Variants in EPOR observed in about 807,000 individuals in gnomAD.
EPOR encodes erythropoietin receptor.
EPOR carries 20 observed loss-of-function variants against 34.3 expected under a neutral mutation model. The ratio of observed to expected loss-of-function variants is 0.58; its 90% CI spans 0.41 to 0.85. The LOEUF (loss-of-function observed/expected upper bound fraction) is 0.85, where lower values mean the gene tolerates loss of function less well. EPOR is among the 40% of genes least tolerant of loss of function. The probability of loss-of-function intolerance (pLI) is 0.00; values close to 1 mark genes in which losing one functional copy is unlikely to be tolerated. For missense variants in EPOR, 601 were observed against 672.7 expected (o/e 0.89, Z 1.18); for synonymous variants, 312 against 299.0 (o/e 1.04, Z -0.45).
chr19:11,378,505 C>T lies in EPOR; in HGVS notation c.1006G>A (p.Glu336Lys), dbSNP rs758272993. The T allele has an allele frequency of 1.2e-5, 20 of 1,614,118 alleles. No individual in the cohort carries two copies. The highest frequency in any genetic ancestry group is 1.7e-5 in the Non-Finnish European group (20 of 1,180,048). Reference sequence around the variant, plus strand: ...GCCTGCATCGTCCCCCAGCAGCGCTCTGAGAGGACTTCCAGGGAAGCAGGT... The same window carrying T: ...GCCTGCATCGTCCCCCAGCAGCGCTTTGAGAGGACTTCCAGGGAAGCAGGT... ...DPPASLEVLS[E>K]RCWGTMQAVE... Residue 336 changes from glutamate (E) to lysine (K), a missense_variant, in exon 8 of 8, where the codon GAG (glutamate) becomes AAG (lysine). Physicochemically the swap from Glu to Lys is moderately conservative, Grantham distance 56. Coordinates refer to ENST00000222139, the MANE Select transcript of EPOR (RefSeq NM_000121.4). This position sits in a 1 kb window ranked among gnomAD's most constrained non-coding sequence, Gnocchi z 5.3.
In EPOR at chr19:11,383,099, G is replaced by T. The variant is rs151226066; in HGVS notation, c.249C>A (p.Leu83=). 6.0e-5 allele frequency: 96 copies of T among 1,613,252 alleles called. No homozygotes were observed. The African/African-American group carries it at 1.2e-3, about 21-fold the overall frequency. The change falls in exon 2 of 8, where the codon CTC becomes CTA. Residue 83 remains leucine (L), a splice_region_variant and synonymous_variant. Transcript: ENST00000222139. This position sits in a 1 kb window ranked among gnomAD's most constrained non-coding sequence, Gnocchi z 4.9. ...GPGNYSFSYQ[L]EDEPWKLCRL... is the part of the protein sequence containing the mutation. ...GGCACCCGCCGGATCGGACTCACTC[G>T]AGCTGGTAGGAGAAGCTGTAGTTGC...
In EPOR at chr19:11,378,235, A is replaced by G; in HGVS notation, c.1276T>C (p.Tyr426His). The G allele has an allele frequency of 6.2e-7, 1 of 1,614,114 alleles. No homozygotes were observed. Residue 426 changes from tyrosine to histidine, a missense_variant, in exon 8 of 8, where the codon TAC (tyrosine) becomes CAC (histidine). Transcript: ENST00000222139. The surrounding 1 kb of genome is among the most constrained non-coding windows in gnomAD (Gnocchi z 5.3). Reference sequence around the variant, plus strand: ...TGGGAGCTGGGGTCCAGGATAGTGTACTCAAAGCTGGCAGCAGAGGCTCCC... The same window carrying G: ...TGGGAGCTGGGGTCCAGGATAGTGTGCTCAAAGCTGGCAGCAGAGGCTCCC... ...PEGASAASFE[Y>H]TILDPSSQLL... is the part of the protein sequence containing the mutation.
intron 6 of EPOR, among the ~76,000 whole-genome samples, chr19:11,379,066 C>T (rs1045567606): frequency 6.6e-6 from 1 of 152,100 alleles, no homozygotes; most frequent in African/African-American, 2.4e-5. Flanking sequence ...TACACCAGCA[C>T]TATAATCCCA....
chr19:11,384,191 G>T lies in EPOR; in HGVS notation c.17C>A (p.Ala6Glu). ...GGAGCCGACCTGGGGCCAGAGGGAC[G>T]CCCCGAGGTGGTCCATGATACAGCC... MDHLG[A>E]SLWPQVGSLC... The change falls in exon 1 of 8, where the codon GCG (alanine) becomes GAG (glutamate). Residue 6 changes from alanine (A) to glutamate (E), a missense_variant. Transcript: ENST00000222139. 6.5e-7 allele frequency: 1 copy of T among 1,545,926 alleles called. No homozygotes were observed. The highest frequency in any genetic ancestry group is 8.7e-7 in the Non-Finnish European group (1 of 1,145,918).
chr19:11,380,836 C>T, intron 6 of EPOR, 48 bp downstream of exon 6: 6 of 1,427,506 alleles, frequency 4.2e-6, no homozygotes, highest in Non-Finnish European at 5.8e-6. Flanking sequence ...TGAAAGAGGA[C>T]CGTTGGCGGG....
rs1041119361 is a variant in EPOR at position 11,381,360 on chromosome 19, A to G, written c.586-151T>C. 44 of 859,170 alleles carry G rather than the reference A, an allele frequency of 5.1e-5. No homozygotes were observed. Among genetic ancestry groups the G allele is most frequent in the African/African-American group, 1.5e-4 (9 of 59,954 alleles). The allele number at this position is 859,170 out of a possible 1,614,324, so 53.2% of individuals were successfully genotyped here. A position where few individuals can be genotyped will look rare whatever the true frequency, so the allele number is the denominator to read the frequency against. On this transcript the variant is annotated intron_variant, in intron 4 of 7. Transcript: ENST00000222139. The surrounding 1 kb of genome is among the most constrained non-coding windows in gnomAD (Gnocchi z 5.3). Reference sequence around the variant, plus strand: ...TAAGAGTAGGGGGAGGAGCCCAAGAAAGCTCAGGGCCAATCAGAGAGAGAG... The same window carrying G: ...TAAGAGTAGGGGGAGGAGCCCAAGAGAGCTCAGGGCCAATCAGAGAGAGAG...
intron 2 of EPOR, 102 bp from the exon 3 acceptor site, chr19:11,382,207 TTG>T (rs372002337): frequency 7.3e-4 from 697 of 949,856 alleles, no homozygotes; most frequent in Middle Eastern, 1.6e-3. Context: ...AGGTCTAGCC[TTG>T]TGTGTGTGTG....
At chr19:11,382,330 A>G (rs569043534) in intron 2 of EPOR, among the ~76,000 whole-genome samples, 4 of 148,238 alleles carry the variant, frequency 2.7e-5, no homozygotes, top group South Asian at 2.1e-4. Context: ...CTTCCCAAGT[A>G]GTTGAGACCA....
chr19:11,380,850 G>A (rs1183279368), intron 6 of EPOR, 34 bp downstream of exon 6: 2 of 1,498,106 alleles, frequency 1.3e-6, no homozygotes, highest in Admixed American at 2.0e-5. Context: ...TGGCGGGGAG[G>A]AGTCTGGGCC....
At chr19:11,382,280 A>T (rs1968373474) in intron 2 of EPOR, among the ~76,000 whole-genome samples, 175 bp from the exon 3 acceptor site, 1 of 151,686 alleles carries the variant, frequency 6.6e-6, no homozygotes, top group Non-Finnish European at 1.5e-5. Flanking sequence ...GGCTCACTGC[A>T]GCCTCAAATT....
intron 6 of EPOR, among the ~76,000 whole-genome samples, chr19:11,380,034 G>C (rs969360532): frequency 1.3e-5 from 2 of 152,182 alleles, no homozygotes; most frequent in African/African-American, 4.8e-5. Flanking sequence ...CTGGCTGAAC[G>C]TTCCAATCTC....
chr19:11,382,908 G>T, intron 2 of EPOR, 189 bp downstream of exon 2: 1 of 1,531,648 alleles, frequency 6.5e-7, no homozygotes, highest in Non-Finnish European at 8.7e-7. Flanking sequence ...AGCGGTGATC[G>T]CGGGAGTGTT....
chr19:11,384,225 G>C lies in EPOR; in HGVS notation c.-18C>G, dbSNP rs916125728. On this transcript the variant is annotated 5_prime_UTR_variant, in exon 1 of 8. Coordinates refer to ENST00000222139, the MANE Select transcript of EPOR (RefSeq NM_000121.4). ...TGGTCCATGATACAGCCCCCGCCAC[G>C]GGGAGCCCAGGGCTCCTGCCCCTCC... The C allele has an allele frequency of 6.8e-7, 1 of 1,475,190 alleles. No homozygotes were observed. The highest frequency in any genetic ancestry group is 2.0e-5 in the Admixed American group (1 of 50,756). The allele number at this position is 1,475,190 out of a possible 1,614,324, so 91.4% of individuals were successfully genotyped here.
At chr19:11,382,360 G>GCTT (rs1968374166) in intron 2 of EPOR, among the ~76,000 whole-genome samples, 2 of 144,294 alleles carry the variant, frequency 1.4e-5, no homozygotes, top group African/African-American at 2.6e-5. Flanking sequence ...GCCACGCCTG[G>GCTT]CTTTTTTTTT....
At position 11,377,512 on chromosome 19, in the gene EPOR, G is replaced by A; in HGVS notation, c.*472C>T. The A allele has an allele frequency of 2.2e-6, 1 of 454,306 alleles. No individual in the cohort carries two copies. The highest frequency in any genetic ancestry group is 6.9e-4 in the Middle Eastern group (1 of 1,444). 28.1% of individuals were successfully genotyped at this position (454,306 alleles called of 1,614,324 possible). On this transcript the variant is annotated 3_prime_UTR_variant, in exon 8 of 8. Coordinates refer to ENST00000222139, the MANE Select transcript of EPOR (RefSeq NM_000121.4). ...GAAGGTAGAGCTACAGACTGGAAGA[G>A]TCTGAACCTCTGACTCATCCCATGG...
rs1428976653 is a variant in EPOR at position 11,383,776 on chromosome 19, C to T, written c.115+317G>A. On this transcript the variant is annotated intron_variant, in intron 1 of 7. Transcript: ENST00000222139. This position sits in a 1 kb window ranked among gnomAD's most constrained non-coding sequence, Gnocchi z 4.9. ...AGGGAGGGTCGGCTTGGTCCCCACC[C>T]CCCAGGGACCTTAGCACCAAGTCAG... 4.6e-5 allele frequency among the ~76,000 whole-genome samples: 7 copies of T among 151,960 alleles called. No homozygotes were observed. The highest frequency in any genetic ancestry group is 8.8e-5 in the Non-Finnish European group (6 of 67,864).
chr19:11,384,064 G>GT, intron 1 of EPOR, 29 bp downstream of exon 1: 5 of 1,409,178 alleles, frequency 3.5e-6, no homozygotes, highest in Non-Finnish European at 4.9e-6. Flanking sequence ...AGGCTCCAGC[G>GT]TAGGGGTCCA....
rs989632617 is a variant in EPOR, at chr19:11,381,494, G to C, written c.585+198C>G. Among the ~76,000 whole-genome samples, 2 of 152,214 alleles carry C rather than the reference G, an allele frequency of 1.3e-5. No homozygotes were observed. The highest frequency in any genetic ancestry group is 2.9e-5 in the Non-Finnish European group (2 of 68,038). ...GGGTTACGGGCCGGAGGGAGAAGAA[G>C]TTGGGGTTCAACAGGCTTGCGAGGA... On this transcript the variant is annotated intron_variant, in intron 4 of 7. Coordinates refer to ENST00000222139, the MANE Select transcript of EPOR (RefSeq NM_000121.4). This position sits in a 1 kb window ranked among gnomAD's most constrained non-coding sequence, Gnocchi z 5.3.
intron 2 of EPOR, chr19:11,382,775 T>G: frequency 7.8e-7 from 1 of 1,283,346 alleles, no homozygotes; most frequent in Non-Finnish European, 1.0e-6. Flanking sequence ...ATTACAGGCA[T>G]GAGCCACTGC....
Sources: allele counts gnomAD v4.1 joint callset (sites outside exome capture counted in the v4.1 genomes callset), GRCh38; gene constraint gnomAD v4.1.1; non-coding constraint Gnocchi (gnomAD v3.1); transcripts MANE v1.5; gene names NCBI Gene and HGNC (gene_info 2026-07-23, HGNC 2026-07-21).